NEK11: variants seen among roughly 807,000 people sequenced by gnomAD.
NEK11 encodes NIMA related kinase 11.
Under a neutral mutation model 80.7 loss-of-function variants are expected in NEK11, and 72 were observed. The observed-to-expected ratio is 0.89, with a 90% CI of 0.74 to 1.08. The LOEUF is 1.08. Among genes scored for constraint, NEK11 ranks in the 50% least tolerant of loss-of-function variants. NEK11 has a pLI of 0.00. For synonymous variants in NEK11, 251 were observed against 260.7 expected (o/e 0.96, Z 0.36); for missense variants, 764 against 763.6 (o/e 1.00, Z -0.01).
chr3:131,095,379 A>G (rs905114999), intron 4 of NEK11, among the ~76,000 whole-genome samples: 5 of 152,162 alleles, frequency 3.3e-5, no homozygotes, highest in African/African-American at 7.2e-5. Context: ...ATTTAGGTTT[A>G]TAGTTGTTTT....
intron 4 of NEK11, among the ~76,000 whole-genome samples, chr3:131,087,054 T>A (rs1398545380): frequency 6.6e-6 from 1 of 152,098 alleles, no homozygotes; most frequent in Non-Finnish European, 1.5e-5. Context: ...CTATCAGAGC[T>A]TTTCTCCTAG....
chr3:131,265,146 C>T (rs532446559), intron 16 of NEK11, among the ~76,000 whole-genome samples: 3 of 152,306 alleles, frequency 2.0e-5, no homozygotes, highest in South Asian at 4.1e-4. Context: ...AATATAGACT[C>T]ATGTGATCTG....
At chr3:131,058,430 T>G (rs1182127728) in intron 3 of NEK11, among the ~76,000 whole-genome samples, 1 of 152,146 alleles carries the variant, frequency 6.6e-6, no homozygotes, top group Non-Finnish European at 1.5e-5. Flanking sequence ...GTGAAGAAAG[T>G]CATTGGTAGC....
intron 3 of NEK11, among the ~76,000 whole-genome samples, chr3:131,030,198 C>T (rs953782149): frequency 6.6e-6 from 1 of 151,686 alleles, no homozygotes; most frequent in Non-Finnish European, 1.5e-5. Context: ...GAGATCATGC[C>T]ACTGCCCTCC....
At chr3:131,319,450 AGAATTATGCCCAGAGTGCCATG>A in intron 17 of NEK11, among the ~76,000 whole-genome samples, 1 of 152,300 alleles carries the variant, frequency 6.6e-6, no homozygotes, top group South Asian at 2.1e-4. Flanking sequence ...AGGCTGTCAT[AGAATTATGCCCAGAGTGCCATG>A]GAGACTCAGC....
intron 5 of NEK11, among the ~76,000 whole-genome samples, chr3:131,125,172 A>G (rs2083099096): frequency 6.6e-6 from 1 of 152,154 alleles, no homozygotes; most frequent in South Asian, 2.1e-4. Flanking sequence ...TTCACTTTAT[A>G]TGCTGATTTT....
intron 3 of NEK11, among the ~76,000 whole-genome samples, chr3:131,055,630 T>C (rs2069322772): frequency 6.6e-6 from 1 of 152,054 alleles, no homozygotes; most frequent in South Asian, 2.1e-4. Flanking sequence ...CTGGGGAGGC[T>C]GAGGTGAAAG....
chr3:131,207,086 T>G (rs2094462557), intron 14 of NEK11, among the ~76,000 whole-genome samples: 1 of 152,254 alleles, frequency 6.6e-6, no homozygotes, highest in South Asian at 2.1e-4. Flanking sequence ...TTTGGGTTGG[T>G]TCCAAGTCTT....
At chr3:131,150,461 A>C (rs1320588087) in intron 7 of NEK11, among the ~76,000 whole-genome samples, 1 of 151,932 alleles carries the variant, frequency 6.6e-6, no homozygotes, top group African/African-American at 2.4e-5. Flanking sequence ...TTGGGTGTAT[A>C]TGGATTTAGA....
At chr3:131,243,159 A>C (rs923843979) in intron 15 of NEK11, among the ~76,000 whole-genome samples, 2 of 152,188 alleles carry the variant, frequency 1.3e-5, no homozygotes, top group African/African-American at 2.4e-5. Flanking sequence ...GGAGACAATA[A>C]AGATCACTCA....
intron 17 of NEK11, among the ~76,000 whole-genome samples, chr3:131,335,937 A>C (rs1003069601): frequency 6.6e-6 from 1 of 152,122 alleles, no homozygotes; most frequent in African/African-American, 2.4e-5. Context: ...CTTCAAGGAG[A>C]ACTACAAACC....
At chr3:131,088,200 C>G (rs982406543) in intron 4 of NEK11, 1 of 152,132 alleles carries the variant, frequency 6.6e-6, no homozygotes, top group Non-Finnish European at 1.5e-5. Flanking sequence ...AGATTTTGTC[C>G]AGTTGGGGAA....
chr3:131,158,234 G>C (rs946759194), intron 10 of NEK11, among the ~76,000 whole-genome samples: 1 of 152,132 alleles, frequency 6.6e-6, no homozygotes, highest in African/African-American at 2.4e-5. Flanking sequence ...GAGAGATCCA[G>C]TAGGGAGGCC....
intron 14 of NEK11, among the ~76,000 whole-genome samples, chr3:131,203,761 GTGTGTGTATATATATATA>G (rs2094340752): frequency 2.9e-5 from 1 of 33,924 alleles, no homozygotes; most frequent in Admixed American, 3.7e-4. Context: ...GTGTGTGTGT[GTGTGTGTATATATATATA>G]TATATATATA....
intron 3 of NEK11, among the ~76,000 whole-genome samples, chr3:131,067,896 T>G (rs1263164037): frequency 6.6e-6 from 1 of 152,208 alleles, no homozygotes; most frequent in Non-Finnish European, 1.5e-5. Context: ...TTCATAGTAT[T>G]TTAAAACGGA....
chr3:131,175,289 T>C (rs998173003), intron 14 of NEK11, among the ~76,000 whole-genome samples: 16 of 152,210 alleles, frequency 1.1e-4, no homozygotes, highest in African/African-American at 2.4e-5. Flanking sequence ...CAAGAAGACC[T>C]GTTCACAAAT....
At chr3:131,061,864 G>A (rs573284346) in intron 3 of NEK11, among the ~76,000 whole-genome samples, 55 of 152,264 alleles carry the variant, frequency 3.6e-4, no homozygotes, top group African/African-American at 9.9e-4. Flanking sequence ...GAACTCCATC[G>A]TGCTGCCTCT....
At chr3:131,241,569 C>T (rs1049036273) in intron 15 of NEK11, among the ~76,000 whole-genome samples, 2 of 151,966 alleles carry the variant, frequency 1.3e-5, no homozygotes, top group African/African-American at 4.8e-5. Context: ...CTTGGAATAC[C>T]TGAGAATGCA....
chr3:131,090,797 AT>A (rs1204038467), intron 4 of NEK11, among the ~76,000 whole-genome samples: 2 of 152,142 alleles, frequency 1.3e-5, no homozygotes, highest in Non-Finnish European at 2.9e-5. Flanking sequence ...TTGGGGTTTC[AT>A]TCTGTCACCA....
Sources: gnomAD v4.1 joint callset for allele counts (sites outside exome capture counted in the v4.1 genomes callset) on GRCh38, gnomAD v4.1.1 for gene constraint, MANE v1.5 for transcripts, NCBI Gene and HGNC (gene_info 2026-07-23, HGNC 2026-07-21) for gene names.